Variants in TXNDC16 observed in about 807,000 individuals in gnomAD.
The protein encoded by TXNDC16 is thioredoxin domain containing 16, also known as thioredoxin domain-containing protein 16.
TXNDC16 carries 74 observed loss-of-function variants against 85.6 expected under a neutral mutation model. That is an observed-to-expected ratio of 0.86 (90% CI 0.72 to 1.05). TXNDC16 has a LOEUF of 1.05. Ranked by LOEUF, TXNDC16 falls within the 50% of genes least tolerant of loss-of-function variation. The probability of loss-of-function intolerance (pLI) is 0.00; values close to 1 mark genes in which losing one functional copy is unlikely to be tolerated. For missense variants in TXNDC16, 959 were observed against 947.0 expected (o/e 1.01, Z -0.17); for synonymous variants, 335 against 326.5 (o/e 1.03, Z -0.28).
At chr14:52,505,467 C>A (rs1232471955) in intron 9 of TXNDC16, among the ~76,000 whole-genome samples, 1 of 152,174 alleles carries the variant, frequency 6.6e-6, no homozygotes, top group Non-Finnish European at 1.5e-5. Context: ...TGAAGGAATA[C>A]TGGGTACATA....
chr14:52,454,000 A>T (rs990555259), intron 18 of TXNDC16, among the ~76,000 whole-genome samples: 3 of 152,276 alleles, frequency 2.0e-5, no homozygotes, highest in African/African-American at 7.2e-5. Context: ...ATAGTAAAAA[A>T]TAATTTAATT....
chr14:52,515,816 T>C (rs766873690), intron 7 of TXNDC16, among the ~76,000 whole-genome samples: 1 of 151,932 alleles, frequency 6.6e-6, no homozygotes, highest in Non-Finnish European at 1.5e-5. Context: ...GCTCCACAAA[T>C]GTAAACATAT....
chr14:52,493,216 T>TATATATTAC lies in TXNDC16; in HGVS notation c.757-2212_757-2211insGTAATATAT. Among the ~76,000 whole-genome samples, 5 of 115,994 alleles carry TATATATTAC rather than the reference T, an allele frequency of 4.3e-5. No homozygotes were observed. The Middle Eastern group carries it at 0.013, about 297-fold the overall frequency. 76.1% of individuals were successfully genotyped at this position (115,994 alleles called of 152,430 possible). A position where few individuals can be genotyped will look rare whatever the true frequency, so the allele number is the denominator to read the frequency against. Reference sequence around the variant, plus strand: ...TTCTATATATATATATATATATATATACACACACACACACACACATATTTA... The same window carrying TATATATTAC: ...TTCTATATATATATATATATATATATATATATTACACACACACACACACACACATATTTA... On this transcript the variant is annotated intron_variant, in intron 9 of 20. Coordinates refer to ENST00000281741, the MANE Select transcript of TXNDC16 (RefSeq NM_020784.3).
intron 6 of TXNDC16, among the ~76,000 whole-genome samples, chr14:52,530,334 T>TA (rs1475504755): frequency 2.2e-5 from 1 of 45,280 alleles, no homozygotes; most frequent in Non-Finnish European, 3.6e-5. Context: ...TTTTATATTA[T>TA]ATATAATTAT....
At position 52,519,171 on chromosome 14, in the gene TXNDC16, C is replaced by T. The variant is rs2037152149; in HGVS notation, c.514+1G>A. The T allele has an allele frequency of 1.9e-6, 3 of 1,606,386 alleles. No individual in the cohort carries two copies. In the African/African-American group the frequency reaches 4.0e-5, roughly 22 times the overall value. On this transcript the variant is annotated splice_donor_variant, in intron 7 of 20. Transcript: ENST00000281741. LOFTEE classifies it high-confidence loss of function. Reference sequence around the variant, plus strand: ...AGATTAAAGCAAAAGTTAAAGAATACCTGGTATTCCAATGGCTCTTACATA... The same window carrying T: ...AGATTAAAGCAAAAGTTAAAGAATATCTGGTATTCCAATGGCTCTTACATA...
At chr14:52,473,365 C>T (rs1021331994) in intron 14 of TXNDC16, among the ~76,000 whole-genome samples, 1 of 152,130 alleles carries the variant, frequency 6.6e-6, no homozygotes, top group Admixed American at 6.5e-5. Flanking sequence ...CAAAGTGCCA[C>T]GTTACATATT....
chr14:52,447,513 T>C (rs1401552252), intron 18 of TXNDC16, among the ~76,000 whole-genome samples: 1 of 152,180 alleles, frequency 6.6e-6, no homozygotes, highest in Non-Finnish European at 1.5e-5. Flanking sequence ...CCAGTGGTGG[T>C]GGCCCCTGAG....
At position 52,442,439 on chromosome 14, in the gene TXNDC16, T is replaced by A. The variant is rs543159899; in HGVS notation, c.1843-1715A>T. 1.1e-3 allele frequency among the ~76,000 whole-genome samples: 175 copies of A among 152,306 alleles called. 1 individual carries two copies. The highest frequency in any genetic ancestry group is 3.9e-3 in the African/African-American group (163 of 41,574). On this transcript the variant is annotated intron_variant, in intron 18 of 20. Transcript: ENST00000281741. ...CCCTTTCTTTAGATCGCACTACAAA[T>A]TCAGATGAACTTGTTTTTAATGGTG...
intron 14 of TXNDC16, among the ~76,000 whole-genome samples, chr14:52,478,516 T>C (rs2036069386): frequency 6.6e-6 from 1 of 151,806 alleles, no homozygotes. Flanking sequence ...ACCACAGAAA[T>C]ACAAAAGATC....
At chr14:52,434,821 G>C (rs7141464) in intron 20 of TXNDC16, among the ~76,000 whole-genome samples, 13,040 of 152,222 alleles carry the variant, frequency 0.086, 617 homozygotes, top group South Asian at 0.14. Flanking sequence ...TCTTTTTCCT[G>C]CTGCAGAGGC....
intron 5 of TXNDC16, 87 bp downstream of exon 5, chr14:52,537,512 T>C: frequency 9.8e-7 from 1 of 1,022,382 alleles, no homozygotes; most frequent in Non-Finnish European, 1.5e-6. Context: ...CATATGACTT[T>C]ATTCTAGCTC....
chr14:52,535,348 C>A (rs1261650146), intron 6 of TXNDC16, among the ~76,000 whole-genome samples: 1 of 152,122 alleles, frequency 6.6e-6, no homozygotes, highest in Non-Finnish European at 1.5e-5. Context: ...CGTTAGTCTA[C>A]AAGTATCAGG....
chr14:52,537,932 A>C (rs2037740891), intron 4 of TXNDC16, among the ~76,000 whole-genome samples: 1 of 152,236 alleles, frequency 6.6e-6, no homozygotes, highest in Admixed American at 6.5e-5. Context: ...CATTTAAGGC[A>C]AGACAAAAAG....
intron 20 of TXNDC16, among the ~76,000 whole-genome samples, chr14:52,435,384 C>T (rs1016045711): frequency 1.3e-5 from 2 of 150,732 alleles, no homozygotes; most frequent in African/African-American, 2.4e-5. Flanking sequence ...TCATTTGCTT[C>T]TATAAAATAG....
chr14:52,530,190 TATTTA>T, intron 6 of TXNDC16, among the ~76,000 whole-genome samples: 1 of 80,570 alleles, frequency 1.2e-5, no homozygotes, highest in Non-Finnish European at 2.1e-5. Flanking sequence ...AAATATATTA[TATTTA>T]TATATATTAT....
chr14:52,446,183 T>C (rs117373337), intron 18 of TXNDC16, among the ~76,000 whole-genome samples: 5,124 of 152,282 alleles, frequency 0.034, 134 homozygotes, highest in Non-Finnish European at 0.05. Flanking sequence ...AAAAACAGTC[T>C]TGAATCATCA....
intron 18 of TXNDC16, among the ~76,000 whole-genome samples, chr14:52,451,997 A>G (rs1461962096): frequency 2.0e-5 from 3 of 152,196 alleles, no homozygotes; most frequent in African/African-American, 7.2e-5. Context: ...AAGTTGCAAG[A>G]CAAATCAAAA....
At chr14:52,517,320 G>C (rs1177016518) in intron 7 of TXNDC16, among the ~76,000 whole-genome samples, 2 of 152,116 alleles carry the variant, frequency 1.3e-5, no homozygotes, top group African/African-American at 2.4e-5. Context: ...GCTGGGGAGA[G>C]GGGGAGGGAA....
chr14:52,514,166 C>G (rs1004349802), intron 8 of TXNDC16, among the ~76,000 whole-genome samples: 2 of 152,118 alleles, frequency 1.3e-5, no homozygotes, highest in South Asian at 4.1e-4. Flanking sequence ...GTTTGCTATG[C>G]CCTAGCCTCT....
Sources: allele counts gnomAD v4.1 joint callset (sites outside exome capture counted in the v4.1 genomes callset), GRCh38; gene constraint gnomAD v4.1.1; transcripts MANE v1.5; gene names NCBI Gene and HGNC (gene_info 2026-07-23, HGNC 2026-07-21).